Variants in CNTNAP2 observed in about 807,000 individuals in gnomAD.
CNTNAP2 encodes the protein contactin associated protein 2.
A neutral mutation model predicts 155.2 loss-of-function variants in CNTNAP2; 98 were observed. The ratio of observed to expected loss-of-function variants is 0.63; its 90% confidence interval spans 0.54 to 0.75. The LOEUF (loss-of-function observed/expected upper bound fraction) is 0.75. Among genes scored for constraint, CNTNAP2 ranks in the 30% least tolerant of loss-of-function variants. The probability of loss-of-function intolerance (pLI) is 0.00; values close to 1 mark genes in which losing one functional copy is unlikely to be tolerated. For missense variants in CNTNAP2, 1,727 were observed against 1,688.1 expected (o/e 1.02, Z -0.40); for synonymous variants, 651 against 631.2 (o/e 1.03, Z -0.47).
intron 15 of CNTNAP2, among the ~76,000 whole-genome samples, chr7:148,059,645 T>C (rs921433638): frequency 1.3e-5 from 2 of 149,958 alleles, no homozygotes; most frequent in South Asian, 4.2e-4. Context: ...TGTATACTTA[T>C]AATCTGAGTA....
intron 1 of CNTNAP2, among the ~76,000 whole-genome samples, chr7:146,642,608 G>T (rs533908121): frequency 6.3e-4 from 96 of 151,514 alleles, no homozygotes; most frequent in Non-Finnish European, 9.9e-4. Flanking sequence ...GAATAGTGCC[G>T]CAATAAACAT....
intron 1 of CNTNAP2, among the ~76,000 whole-genome samples, chr7:146,426,846 G>A (rs1390742623): frequency 6.7e-6 from 1 of 148,322 alleles, no homozygotes; most frequent in Admixed American, 6.8e-5. Flanking sequence ...GATTGTAAGT[G>A]TTCTTACTGC....
chr7:146,652,599 T>G (rs960087913), intron 1 of CNTNAP2, among the ~76,000 whole-genome samples: 67 of 152,270 alleles, frequency 4.4e-4, no homozygotes, highest in African/African-American at 1.6e-3. Flanking sequence ...TATTAATGAC[T>G]GATGTATTCT....
chr7:147,028,488 G>T (rs868055617), intron 3 of CNTNAP2, among the ~76,000 whole-genome samples: 1 of 152,146 alleles, frequency 6.6e-6, no homozygotes, highest in African/African-American at 2.4e-5. Context: ...GAGATGTTAA[G>T]GAATACAGGG....
chr7:148,323,257 C>T (rs1797827656), intron 21 of CNTNAP2, among the ~76,000 whole-genome samples: 1 of 139,334 alleles, frequency 7.2e-6, no homozygotes, highest in South Asian at 2.3e-4. Flanking sequence ...ATCCATGGTC[C>T]TTCTTCTGTG....
intron 1 of CNTNAP2, among the ~76,000 whole-genome samples, chr7:146,255,400 C>G (rs992384059): frequency 6.6e-6 from 1 of 152,178 alleles, no homozygotes; most frequent in Non-Finnish European, 1.5e-5. Flanking sequence ...AATTTTCCGT[C>G]AGTACCTCAT....
At chr7:147,346,698 C>T (rs1408026164) in intron 9 of CNTNAP2, among the ~76,000 whole-genome samples, 4 of 152,180 alleles carry the variant, frequency 2.6e-5, no homozygotes, top group African/African-American at 9.7e-5. Flanking sequence ...ATTTACACAG[C>T]AAATTTTAAA....
At chr7:148,398,140 G>T (rs565034137) in intron 22 of CNTNAP2, among the ~76,000 whole-genome samples, 9 of 152,250 alleles carry the variant, frequency 5.9e-5, no homozygotes, top group South Asian at 2.1e-4. Flanking sequence ...CTTTAGGTTT[G>T]CCCATGCCCC....
chr7:147,201,650 G>A (rs1802924798), intron 8 of CNTNAP2, among the ~76,000 whole-genome samples: 1 of 152,100 alleles, frequency 6.6e-6, no homozygotes, highest in African/African-American at 2.4e-5. Flanking sequence ...CTGTCACTGG[G>A]AACTAATTGG....
At chr7:146,911,728 G>A (rs1262587722) in intron 3 of CNTNAP2, among the ~76,000 whole-genome samples, 3 of 151,730 alleles carry the variant, frequency 2.0e-5, no homozygotes, top group Non-Finnish European at 2.9e-5. Context: ...AGTGGGTGCA[G>A]CGCACCAGCA....
intron 1 of CNTNAP2, among the ~76,000 whole-genome samples, chr7:146,136,252 C>G (rs1373435956): frequency 1.3e-5 from 2 of 152,122 alleles, no homozygotes; most frequent in African/African-American, 2.4e-5. Context: ...GAAATCACCA[C>G]ATGTAGCATG....
intron 9 of CNTNAP2, among the ~76,000 whole-genome samples, chr7:147,309,549 T>C (rs1795085910): frequency 6.6e-6 from 1 of 152,284 alleles, no homozygotes; most frequent in African/African-American, 2.4e-5. Flanking sequence ...ATTATGTGAT[T>C]ATTTTTTCCA....
intron 14 of CNTNAP2, among the ~76,000 whole-genome samples, chr7:147,943,250 T>C (rs1054431628): frequency 3.3e-5 from 5 of 152,170 alleles, no homozygotes; most frequent in Non-Finnish European, 7.3e-5. Flanking sequence ...AGATTAACTT[T>C]TCATGTAACT....
chr7:147,436,182 G>A (rs890057703), intron 10 of CNTNAP2, among the ~76,000 whole-genome samples: 2 of 152,058 alleles, frequency 1.3e-5, no homozygotes, highest in Non-Finnish European at 2.9e-5. Context: ...TAATTAAGCC[G>A]CTGAATAGTT....
chr7:147,088,112 G>A lies in CNTNAP2; in HGVS notation c.551-20035G>A, dbSNP rs941350092. On this transcript the variant is annotated intron_variant, in intron 4 of 23. Transcript: ENST00000361727. ...CTTGCAGCTTCCACTAATCAATCTC[G>A]CTAACCTCAGGACTCTAACTTTCAT... 3.3e-5 allele frequency among the ~76,000 whole-genome samples: 5 copies of A among 152,116 alleles called. No individual in the cohort carries two copies. In the South Asian group the frequency reaches 6.2e-4, roughly 19 times the overall value.
rs530692062 is a variant in CNTNAP2, at chr7:146,621,931, T to C, written c.98-152340T>C. Among the ~76,000 whole-genome samples, 11 of 152,268 alleles carry C rather than the reference T, an allele frequency of 7.2e-5. No homozygotes were observed. The South Asian group carries it at 1.9e-3, about 26-fold the overall frequency. ...AATCATTTACATTATTATGGACACA[T>C]GAAATTTGATTTTATCATAATTTGG... On this transcript the variant is annotated intron_variant, in intron 1 of 23. Coordinates refer to ENST00000361727, the MANE Select transcript of CNTNAP2 (RefSeq NM_014141.6).
At chr7:147,848,702 T>G (rs1798862190) in intron 13 of CNTNAP2, among the ~76,000 whole-genome samples, 1 of 116,384 alleles carries the variant, frequency 8.6e-6, no homozygotes, top group Non-Finnish European at 1.8e-5. Flanking sequence ...GGCTTCAAAC[T>G]TTAGTTAATG....
chr7:148,196,328 T>C (rs1795277031), intron 18 of CNTNAP2, among the ~76,000 whole-genome samples: 1 of 152,210 alleles, frequency 6.6e-6, no homozygotes, highest in African/African-American at 2.4e-5. Flanking sequence ...ATCAATCATC[T>C]ATTAGACTTT....
chr7:148,310,034 G>T (rs938559014), intron 21 of CNTNAP2, among the ~76,000 whole-genome samples: 18 of 152,104 alleles, frequency 1.2e-4, no homozygotes, highest in Admixed American at 7.9e-4. Context: ...TTGTGGGGTT[G>T]TTAGAAGAAA....
Sources: gnomAD v4.1 joint callset for allele counts (sites outside exome capture counted in the v4.1 genomes callset) on GRCh38, gnomAD v4.1.1 for gene constraint, MANE v1.5 for transcripts, NCBI Gene and HGNC (gene_info 2026-07-23, HGNC 2026-07-21) for gene names.